The following ENTREP3 variants were observed in gnomAD, a reference collection of about 807,000 sequenced individuals.
The protein encoded by ENTREP3 is endosomal transmembrane epsin interactor 3, also known as protein ENTREP3.
the ENTREP3 span, among the ~76,000 whole-genome samples, chr1:155,249,872 C>T: frequency 3.5e-4 from 47 of 134,112 alleles, no homozygotes; most frequent in African/African-American, 1.1e-3. Context: ...GGTGACAGAG[C>T]GAGACACCGT....
At chr1:155,253,606 G>A in the ENTREP3 span, 1 of 1,578,136 alleles carries the variant, frequency 6.3e-7, no homozygotes, top group East Asian at 2.2e-5. Flanking sequence ...GCGTGCCCTG[G>A]CCCCTGCTCC....
the ENTREP3 span, chr1:155,251,686 C>T: frequency 6.2e-7 from 1 of 1,609,050 alleles, no homozygotes; most frequent in Admixed American, 1.7e-5. Flanking sequence ...AGGCCCAGCC[C>T]CAGTCCCCTT....
At chr1:155,253,539 T>C in the ENTREP3 span, 8 of 873,258 alleles carry the variant, frequency 9.2e-6, no homozygotes, top group Admixed American at 4.5e-5. Flanking sequence ...GCCAGATCTG[T>C]AGCCATTGTT....
At chr1:155,254,815 A>G in the ENTREP3 span, 1 of 1,609,240 alleles carries the variant, frequency 6.2e-7, no homozygotes, top group Non-Finnish European at 8.5e-7. This position sits in a 1 kb window ranked among gnomAD's most constrained non-coding sequence, Gnocchi z 4.4. Context: ...GGAGGTGGGT[A>G]AGGCCCCTGG....
At chr1:155,252,296 C>T in the ENTREP3 span, among the ~76,000 whole-genome samples, 1 of 151,960 alleles carries the variant, frequency 6.6e-6, no homozygotes, top group Non-Finnish European at 1.5e-5. Flanking sequence ...CTCCCAAGAT[C>T]AAGCAATTCC....
At chr1:155,250,546 C>T in the ENTREP3 span, 1 of 1,569,154 alleles carries the variant, frequency 6.4e-7, no homozygotes, top group South Asian at 1.2e-5. This position sits in a 1 kb window ranked among gnomAD's most constrained non-coding sequence, Gnocchi z 5.4. Context: ...GTGGGGGCAC[C>T]CAGTGGGGGT....
At chr1:155,248,004 G>T in the ENTREP3 span, 4 of 1,613,480 alleles carry the variant, frequency 2.5e-6, no homozygotes, top group Non-Finnish European at 3.4e-6. Context: ...TCAATCTGAA[G>T]CTCCACGCTT....
chr1:155,250,656 C>CT, the ENTREP3 span: 1 of 1,612,212 alleles, frequency 6.2e-7, no homozygotes, highest in Non-Finnish European at 8.5e-7. The surrounding 1 kb of genome is among the most constrained non-coding windows in gnomAD (Gnocchi z 5.4). Flanking sequence ...ACAGTCCAGG[C>CT]TGAGGCAGTA....
the ENTREP3 span, chr1:155,254,741 A>T: frequency 6.2e-7 from 1 of 1,613,918 alleles, no homozygotes; most frequent in South Asian, 1.1e-5. The surrounding 1 kb of genome is among the most constrained non-coding windows in gnomAD (Gnocchi z 4.4). Context: ...GACCACCAGG[A>T]TGCCCAGGAG....
the ENTREP3 span, chr1:155,250,565 A>G: frequency 6.3e-7 from 1 of 1,593,866 alleles, no homozygotes; most frequent in South Asian, 1.1e-5. The surrounding 1 kb of genome is among the most constrained non-coding windows in gnomAD (Gnocchi z 5.4). Flanking sequence ...GTGGAGCTTC[A>G]GGGGCAGAGC....
the ENTREP3 span, chr1:155,251,765 C>T: frequency 6.2e-7 from 1 of 1,610,312 alleles, no homozygotes; most frequent in Non-Finnish European, 8.5e-7. Flanking sequence ...TGCAGGTATA[C>T]TCTGGGGGAT....
At chr1:155,251,550 A>G in the ENTREP3 span, 1 of 1,614,050 alleles carries the variant, frequency 6.2e-7, no homozygotes, top group Non-Finnish European at 8.5e-7. Context: ...AAGGGGGGCA[A>G]TCGGTAGGGT....
At chr1:155,252,038 TCCC>T in the ENTREP3 span, 4 of 625,960 alleles carry the variant, frequency 6.4e-6, no homozygotes, top group South Asian at 5.4e-5. Flanking sequence ...TTCTGGCCCC[TCCC>T]TCACCCAAAA....
chr1:155,249,405 T>C, the ENTREP3 span, among the ~76,000 whole-genome samples: 1 of 152,024 alleles, frequency 6.6e-6, no homozygotes, highest in Non-Finnish European at 1.5e-5. Flanking sequence ...GTACTATTAT[T>C]ATACATGTTT....
At chr1:155,247,669 G>A in the ENTREP3 span, 2 of 991,144 alleles carry the variant, frequency 2.0e-6, no homozygotes, top group South Asian at 3.1e-5. Flanking sequence ...ACTTTGGGGG[G>A]TATACAGCAG....
At chr1:155,254,559 AGAGG>A in the ENTREP3 span, 40 of 1,555,528 alleles carry the variant, frequency 2.6e-5, no homozygotes, top group Non-Finnish European at 3.5e-5. The surrounding 1 kb of genome is among the most constrained non-coding windows in gnomAD (Gnocchi z 4.4). Flanking sequence ...GAGGACCAGG[AGAGG>A]GAGGAGAGGC....
chr1:155,254,414 G>A, the ENTREP3 span: 3 of 1,614,188 alleles, frequency 1.9e-6, no homozygotes, highest in Non-Finnish European at 8.5e-7. This position sits in a 1 kb window ranked among gnomAD's most constrained non-coding sequence, Gnocchi z 4.4. Context: ...AGAGTGAATG[G>A]CCGCTTCCAG....
At chr1:155,247,378 G>T in the ENTREP3 span, 1 of 490,024 alleles carries the variant, frequency 2.0e-6, no homozygotes, top group South Asian at 1.5e-5. Context: ...TAGATTTTTT[G>T]GACTCTTCGT....
At chr1:155,247,641 GGTA>G in the ENTREP3 span, 1 of 823,362 alleles carries the variant, frequency 1.2e-6, no homozygotes, top group Non-Finnish European at 2.0e-6. Context: ...AGACCCCAGA[GGTA>G]GGAGGGAAAG....
Sources: allele counts gnomAD v4.1 joint callset (sites outside exome capture counted in the v4.1 genomes callset), GRCh38; gene constraint gnomAD v4.1.1; non-coding constraint Gnocchi (gnomAD v3.1); transcripts MANE v1.5; gene names NCBI Gene and HGNC (gene_info 2026-07-23, HGNC 2026-07-21).